The following GALNT12 variants were observed in gnomAD, a reference collection of about 807,000 sequenced individuals.
The protein encoded by GALNT12 is polypeptide N-acetylgalactosaminyltransferase 12, also known as UDP-GalNAc:polypeptide N-acetylgalactosaminyltransferase 12.
A neutral mutation model predicts 55.5 loss-of-function variants in GALNT12; 45 were observed. That is an observed-to-expected ratio of 0.81 (90% CI 0.64 to 1.04). The LOEUF is 1.04. Among genes scored for constraint, GALNT12 ranks in the 50% least tolerant of loss-of-function variants. The pLI, the probability that GALNT12 is intolerant of heterozygous loss-of-function variation, is 0.00. For synonymous variants in GALNT12, 304 were observed against 312.2 expected (o/e 0.97, Z 0.28); for missense variants, 709 against 754.8 (o/e 0.94, Z 0.71).
intron 1 of GALNT12, among the ~76,000 whole-genome samples, chr9:98,822,758 C>G (rs139055086): frequency 1.3e-5 from 2 of 151,992 alleles, no homozygotes; most frequent in African/African-American, 2.4e-5. Context: ...GGAGGTGGGC[C>G]GGGTGCTGGA....
chr9:98,835,371 G>A lies in GALNT12; in HGVS notation c.1035+5G>A. On this transcript the variant is annotated splice_donor_5th_base_variant and intron_variant, in intron 5 of 9. Transcript: ENST00000375011. ...AACCTCGAATTTTCCTTTAGGGTAA[G>A]TATTTCAGTCTTCTCTTTGGACATG... 6.6e-7 allele frequency: 1 copy of A among 1,508,372 alleles called. No individual in the cohort carries two copies. Among genetic ancestry groups the A allele is most frequent in the Non-Finnish European group, 9.2e-7 (1 of 1,083,442 alleles). 93.4% of individuals were successfully genotyped at this position (1,508,372 alleles called of 1,614,324 possible).
intron 3 of GALNT12, 110 bp from the exon 4 acceptor site, chr9:98,831,635 ATAAGAGAAGCAGGTCTTTCTCAGATGT>A (rs1835996601): frequency 9.8e-7 from 1 of 1,018,868 alleles, no homozygotes. Context: ...GACACCTGGA[ATAAGAGAAGCAGGTCTTTCTCAGATGT>A]TCCTCCCTCT....
rs774029336 is a variant in GALNT12 at position 98,823,251 on chromosome 9, T to C, written c.372-5T>C. 4 of 1,613,986 alleles carry C rather than the reference T, an allele frequency of 2.5e-6. No individual in the cohort carries two copies. In the African/African-American group the frequency reaches 5.3e-5, roughly 22 times the overall value. On this transcript the variant is annotated splice_polypyrimidine_tract_variant and splice_region_variant and intron_variant, in intron 1 of 9. Coordinates refer to ENST00000375011, the MANE Select transcript of GALNT12 (RefSeq NM_024642.5). ...TGAGTTCCTGAAGTTCCGCTGTATT[T>C]GCAGGTGCAAAGAGAAGAAATATGA...
Position 98,807,715 on chromosome 9 carries a change from C to T in GALNT12, c.17C>T (p.Ala6Val). The T allele has an allele frequency of 8.5e-7, 1 of 1,172,224 alleles. No individual in the cohort carries two copies. 72.6% of individuals were successfully genotyped at this position (1,172,224 alleles called of 1,614,324 possible). ...GGCGGGCGCATGTGGGGGCGCACGG[C>T]GCGGCGGCGCTGCCCGCGGGAACTG... MWGRT[A>V]RRRCPRELRR... The change falls in exon 1 of 10, where the codon GCG becomes GTG. Residue 6 changes from alanine (A) to valine (V), a missense_variant. Ala to Val is a moderately conservative substitution (Grantham distance 64). Around this residue, in one of 5 missense-constraint regions of GALNT12, gnomAD observed 110 missense variants for 102.2 expected, o/e 1.08. Transcript: ENST00000375011.
At chr9:98,831,151 A>G (rs150121274) in intron 3 of GALNT12, among the ~76,000 whole-genome samples, 68 of 152,354 alleles carry the variant, frequency 4.5e-4, no homozygotes, top group African/African-American at 1.5e-3. Flanking sequence ...ATTTTTCACT[A>G]TATGTAATAT....
intron 4 of GALNT12, among the ~76,000 whole-genome samples, chr9:98,832,532 T>G (rs1279480369): frequency 2.0e-5 from 3 of 152,054 alleles, no homozygotes; most frequent in African/African-American, 7.2e-5. Context: ...AAAAAATAAA[T>G]AAATAAAACA....
intron 1 of GALNT12, among the ~76,000 whole-genome samples, chr9:98,808,421 C>T (rs1195956788): frequency 6.6e-6 from 1 of 152,198 alleles, no homozygotes; most frequent in Non-Finnish European, 1.5e-5. Context: ...CTGCCCGCCT[C>T]GCAGTGCCTC....
chr9:98,813,399 C>G (rs1031397054), intron 1 of GALNT12, among the ~76,000 whole-genome samples: 8 of 152,150 alleles, frequency 5.3e-5, no homozygotes, highest in African/African-American at 1.9e-4. Flanking sequence ...ATTTTATACT[C>G]TATGTCTGGT....
chr9:98,814,709 T>C (rs1250869729), intron 1 of GALNT12, among the ~76,000 whole-genome samples: 1 of 150,238 alleles, frequency 6.7e-6, no homozygotes, highest in Non-Finnish European at 1.5e-5. Context: ...AAAAGGAAGA[T>C]CAAGAGGCAT....
chr9:98,830,487 A>C (rs2118404628), intron 3 of GALNT12, among the ~76,000 whole-genome samples: 1 of 152,290 alleles, frequency 6.6e-6, no homozygotes, highest in East Asian at 1.9e-4. Context: ...TGGGAGTCCT[A>C]TACTCCAATG....
At chr9:98,832,476 G>T (rs940293117) in intron 4 of GALNT12, among the ~76,000 whole-genome samples, 1 of 152,174 alleles carries the variant, frequency 6.6e-6, no homozygotes, top group Admixed American at 6.5e-5. Flanking sequence ...CTATGATCAC[G>T]CAATTGTACT....
At chr9:98,847,734 A>T (rs1588460531) in intron 9 of GALNT12, among the ~76,000 whole-genome samples, 1 of 151,924 alleles carries the variant, frequency 6.6e-6, no homozygotes, top group East Asian at 1.9e-4. Context: ...GAACAGAAAC[A>T]TATGTGAATT....
At chr9:98,820,403 A>G (rs2900575) in intron 1 of GALNT12, among the ~76,000 whole-genome samples, 69,409 of 152,014 alleles carry the variant, frequency 0.46, 16,248 homozygotes, top group Non-Finnish European at 0.51. Context: ...AGCTCCATCC[A>G]TGTCCTTGCA....
At chr9:98,817,990 C>G (rs1480566729) in intron 1 of GALNT12, among the ~76,000 whole-genome samples, 1 of 151,786 alleles carries the variant, frequency 6.6e-6, no homozygotes, top group Non-Finnish European at 1.5e-5. Context: ...TCTATAAATC[C>G]TCCACCTAGA....
chr9:98,810,515 CAG>C (rs1331305437), intron 1 of GALNT12, among the ~76,000 whole-genome samples: 1 of 152,212 alleles, frequency 6.6e-6, no homozygotes, highest in African/African-American at 2.4e-5. Context: ...ACCTACCACT[CAG>C]GGAGAACCAT....
At chr9:98,845,164 G>T (rs1836383037) in intron 8 of GALNT12, among the ~76,000 whole-genome samples, 1 of 152,094 alleles carries the variant, frequency 6.6e-6, no homozygotes, top group African/African-American at 2.4e-5. Context: ...AGCATCATCT[G>T]GGAGCTTGGA....
intron 3 of GALNT12, 150 bp from the exon 4 acceptor site, chr9:98,831,622 G>T: frequency 1.1e-6 from 1 of 937,516 alleles, no homozygotes; most frequent in Non-Finnish European, 1.7e-6. Flanking sequence ...TGACACGGCT[G>T]CAGACACCTG....
Position 98,823,358 on chromosome 9 carries a change from T to C in GALNT12, c.474T>C (p.Ser158=). ...AWSTLLRTVY[S]VLETSPDILL... ...CAACTCTCCTTCGGACAGTTTACAG[T>C]GTCCTTGAGACATCCCCGGATATCC... is the stretch of plus-strand genomic sequence containing the variant. Residue 158 remains serine, a synonymous_variant, in exon 2 of 10, where the codon AGT becomes AGC. Coordinates refer to ENST00000375011, the MANE Select transcript of GALNT12 (RefSeq NM_024642.5). 6.2e-7 allele frequency: 1 copy of C among 1,614,158 alleles called. No individual in the cohort carries two copies. The highest frequency in any genetic ancestry group is 8.5e-7 in the Non-Finnish European group (1 of 1,179,950).
Position 98,823,170 on chromosome 9 carries a change from C to T in GALNT12, c.372-86C>T, listed in dbSNP as rs560768690. 400 of 1,254,316 alleles carry T rather than the reference C, an allele frequency of 3.2e-4. 2 individuals carry two copies. The highest frequency in any genetic ancestry group is 4.4e-4 in the Non-Finnish European group (374 of 857,100). 77.7% of individuals were successfully genotyped at this position (1,254,316 alleles called of 1,614,324 possible). On this transcript the variant is annotated intron_variant, in intron 1 of 9. Transcript: ENST00000375011. ...GGATTATGTCCCCTTCCGCAGGGGA[C>T]CATGACCTATGTCCCCTTTGTCACT...
Sources: allele counts gnomAD v4.1 joint callset (sites outside exome capture counted in the v4.1 genomes callset), GRCh38; gene constraint gnomAD v4.1.1; regional missense constraint gnomAD v4.1.1; transcripts MANE v1.5; gene names NCBI Gene and HGNC (gene_info 2026-07-23, HGNC 2026-07-21).